Variants in GK observed in about 807,000 individuals in gnomAD.
The protein encoded by GK is ATP:glycerol 3-phosphotransferase.
GK carries 9 observed loss-of-function variants against 56.4 expected under a neutral mutation model. The ratio of observed to expected loss-of-function variants is 0.16; its 90% CI spans 0.10 to 0.28. The LOEUF is 0.28. Among genes scored for constraint, GK ranks in the 10% least tolerant of loss-of-function variants. The pLI is 1.00. For synonymous variants in GK, 104 were observed against 144.1 expected, an observed-to-expected ratio of 0.72 and a Z score of 1.99; for missense variants, 161 against 431.4, an observed-to-expected ratio of 0.37 and a Z score of 5.55.
intron 20 of GK, 90 bp downstream of exon 20, chrX:30,727,642 C>A (rs1248518974): frequency 3.5e-6 from 2 of 579,617 alleles, no homozygotes; most frequent in African/African-American, 2.3e-5. Context: ...GTTTTTCATT[C>A]TTTCTGTGTC....
chrX:30,678,701 T>C (rs371453163), intron 4 of GK, among the ~76,000 whole-genome samples: 22 of 104,042 alleles, frequency 2.1e-4, no homozygotes, highest in East Asian at 8.8e-4. Context: ...CTCTGTTTTT[T>C]TTTTTTTGAG....
chrX:30,725,235 C>G (rs1301012591), intron 19 of GK, among the ~76,000 whole-genome samples: 1 of 111,754 alleles, frequency 8.9e-6, no homozygotes, highest in Non-Finnish European at 1.9e-5. Flanking sequence ...TACCTGCCTT[C>G]CAACCCCAAA....
chrX:30,670,963 A>G (rs1187694226), intron 3 of GK, among the ~76,000 whole-genome samples: 1 of 108,424 alleles, frequency 9.2e-6, no homozygotes, highest in Non-Finnish European at 1.9e-5. Flanking sequence ...AGCCTGGGCA[A>G]CAGAACAAGA....
intron 13 of GK, among the ~76,000 whole-genome samples, chrX:30,712,073 T>G (rs1440776336): frequency 8.9e-6 from 1 of 112,549 alleles, no homozygotes; most frequent in African/African-American, 3.2e-5. Flanking sequence ...TGTATTTTTT[T>G]GTATTTTTTG....
At chrX:30,663,949 GATATCTATATATT>G (rs2147134647) in intron 1 of GK, among the ~76,000 whole-genome samples, 2 of 88,244 alleles carry the variant, frequency 2.3e-5, no homozygotes, top group South Asian at 9.7e-4. Flanking sequence ...TATATATATA[GATATCTATATATT>G]ATATATATAT....
In GK at chrX:30,674,253, G is replaced by A. The variant is rs1417746989; in HGVS notation, c.260-3122G>A. 9.1e-6 allele frequency: 3 copies of A among 329,550 alleles called. No individual in the cohort carries two copies. The Admixed American group carries it at 9.3e-5, about 10-fold the overall frequency. 27.2% of individuals were successfully genotyped at this position (329,550 alleles called of 1,213,427 possible). ...TGAATCCCAGCTATCTGGCCTCAGA[G>A]CCTGAGCTCTACTGAATGGTGCCCC... is the stretch of plus-strand genomic sequence containing the variant. On this transcript the variant is annotated intron_variant, in intron 3 of 20. Transcript: ENST00000427190.
chrX:30,692,049 G>A (rs1202764098), intron 5 of GK, among the ~76,000 whole-genome samples: 1 of 111,015 alleles, frequency 9.0e-6, no homozygotes, highest in Non-Finnish European at 1.9e-5. Flanking sequence ...TTCTTCTAGC[G>A]TCTAAAAGGA....
intron 10 of GK, 34 bp from the exon 11 acceptor site, chrX:30,700,804 A>G (rs1429462728): frequency 1.0e-5 from 9 of 896,427 alleles, no homozygotes; most frequent in African/African-American, 9.7e-5. Context: ...CTATTGTATT[A>G]GTCAGTGTTC....
At chrX:30,687,077 G>T (rs1934660083) in intron 4 of GK, among the ~76,000 whole-genome samples, 1 of 111,202 alleles carries the variant, frequency 9.0e-6, no homozygotes, top group Non-Finnish European at 1.9e-5. Context: ...TCCCAAAGCA[G>T]CCCTTTCATG....
At chrX:30,685,385 G>C (rs959382975) in intron 4 of GK, among the ~76,000 whole-genome samples, 1 of 111,696 alleles carries the variant, frequency 9.0e-6, no homozygotes, top group African/African-American at 3.2e-5. Context: ...CGCCGGCCTC[G>C]GCCTCCCAAA....
chrX:30,659,118 G>C (rs1442381065), intron 1 of GK, among the ~76,000 whole-genome samples: 1 of 111,546 alleles, frequency 9.0e-6, no homozygotes, highest in Non-Finnish European at 1.9e-5. Flanking sequence ...GGCAACCTCC[G>C]CCTCCTGGGT....
At chrX:30,720,561 A>G in intron 16 of GK, 60 bp from the exon 17 acceptor site, 8 of 1,066,352 alleles carry the variant, frequency 7.5e-6, no homozygotes, top group Non-Finnish European at 9.2e-6. Flanking sequence ...GAGGATTGCC[A>G]TTTTCAGAGA....
At chrX:30,689,526 A>G (rs1201702888) in intron 4 of GK, 1 of 331,491 alleles carries the variant, frequency 3.0e-6, no homozygotes, top group African/African-American at 2.6e-5. Flanking sequence ...AGACAGTATC[A>G]CCTGCATCCC....
intron 3 of GK, among the ~76,000 whole-genome samples, chrX:30,669,822 G>A (rs1187454721): frequency 1.8e-5 from 2 of 111,606 alleles, no homozygotes; most frequent in Admixed American, 9.5e-5. Flanking sequence ...TCTATAGAGT[G>A]CCTACTATGT....
At chrX:30,702,120 G>A (rs1935707025) in intron 11 of GK, among the ~76,000 whole-genome samples, 1 of 108,481 alleles carries the variant, frequency 9.2e-6, no homozygotes, top group African/African-American at 3.4e-5. Flanking sequence ...TCGGCTCACT[G>A]CAACCTCCGC....
At chrX:30,697,670 G>A in intron 8 of GK, 62 bp from the exon 9 acceptor site, 1 of 835,174 alleles carries the variant, frequency 1.2e-6, no homozygotes, top group Non-Finnish European at 1.8e-6. Context: ...AACTGGCCTA[G>A]TTTTCTCTTG....
At chrX:30,704,125 A>ATT (rs1276477492) in intron 11 of GK, among the ~76,000 whole-genome samples, 1 of 33,737 alleles carries the variant, frequency 3.0e-5, no homozygotes, top group Non-Finnish European at 5.5e-5. Context: ...GCAGTTATTC[A>ATT]TTTTATATAT....
intron 19 of GK, 130 bp downstream of exon 19, chrX:30,724,311 A>AT: frequency 3.6e-5 from 18 of 495,746 alleles, no homozygotes; most frequent in Non-Finnish European, 5.3e-5. Flanking sequence ...AGATTCTGAC[A>AT]TTTTGAAAAC....
At chrX:30,670,799 A>G (rs1027277575) in intron 3 of GK, among the ~76,000 whole-genome samples, 6 of 109,954 alleles carry the variant, frequency 5.5e-5, no homozygotes, top group Non-Finnish European at 1.1e-4. Context: ...CCTGGCCAAC[A>G]TGGTGAAACC....
Sources: allele counts gnomAD v4.1 joint callset (sites outside exome capture counted in the v4.1 genomes callset), GRCh38; gene constraint gnomAD v4.1.1; transcripts MANE v1.5; gene names NCBI Gene and HGNC (gene_info 2026-07-23, HGNC 2026-07-21).